Variants in SCRG1 observed in about 807,000 individuals in gnomAD.
The protein encoded by SCRG1 is scrapie-responsive protein 1.
In SCRG1, 3 loss-of-function variants were observed where a neutral mutation model predicts 7.7. The ratio of observed to expected loss-of-function variants is 0.39; its 90% CI spans 0.18 to 1.01. The LOEUF is 1.01. Ranked by LOEUF, SCRG1 falls within the 50% of genes least tolerant of loss-of-function variation. The pLI, the probability that SCRG1 is intolerant of heterozygous loss-of-function variation, is 0.36. For missense variants in SCRG1, 110 were observed against 117.2 expected (o/e 0.94, Z 0.28); for synonymous variants, 46 against 41.2 (o/e 1.12, Z -0.44).
the SCRG1 span, among the ~76,000 whole-genome samples, chr4:173,493,328 A>G: frequency 8.5e-5 from 13 of 152,100 alleles, no homozygotes; most frequent in African/African-American, 2.4e-4. Context: ...CTACCATGGT[A>G]AGACGTGCTT....
the SCRG1 span, among the ~76,000 whole-genome samples, chr4:173,434,434 G>A: frequency 7.9e-5 from 12 of 152,174 alleles, no homozygotes; most frequent in African/African-American, 2.7e-4. Context: ...GAAAGGGGAA[G>A]GAGATCGTGT....
chr4:173,467,050 A>G, the SCRG1 span, among the ~76,000 whole-genome samples: 1 of 152,170 alleles, frequency 6.6e-6, no homozygotes, highest in African/African-American at 2.4e-5. Context: ...GACAAGGGAC[A>G]TATATATCTC....
chr4:173,465,081 G>A, the SCRG1 span, among the ~76,000 whole-genome samples: 1 of 152,168 alleles, frequency 6.6e-6, no homozygotes, highest in Non-Finnish European at 1.5e-5. Flanking sequence ...GTTACCAGCT[G>A]CTGATAGAAG....
chr4:173,436,745 C>T, the SCRG1 span, among the ~76,000 whole-genome samples: 1 of 152,134 alleles, frequency 6.6e-6, no homozygotes, highest in East Asian at 1.9e-4. Flanking sequence ...GGTACGTTTA[C>T]CTGTTTTTCA....
the SCRG1 span, among the ~76,000 whole-genome samples, chr4:173,415,423 T>G: frequency 6.6e-6 from 1 of 152,184 alleles, no homozygotes; most frequent in African/African-American, 2.4e-5. Flanking sequence ...CTTAGTAGAT[T>G]TAATTTTTGA....
At chr4:173,396,609 C>T (rs938613359) in intron 1 of SCRG1, among the ~76,000 whole-genome samples, 2 of 151,962 alleles carry the variant, frequency 1.3e-5, no homozygotes, top group African/African-American at 4.8e-5. Context: ...TACCACATAC[C>T]TCTTCTGTGT....
chr4:173,469,603 A>G, the SCRG1 span: 4 of 152,204 alleles, frequency 2.6e-5, no homozygotes, highest in East Asian at 3.8e-4. Context: ...ATATTTTTCA[A>G]TGTGAGCTGC....
intron 1 of SCRG1, among the ~76,000 whole-genome samples, chr4:173,394,808 TA>T (rs1739553288): frequency 6.6e-6 from 1 of 152,222 alleles, no homozygotes; most frequent in South Asian, 2.1e-4. Context: ...TTTTAAATTA[TA>T]GTTATTTTAA....
chr4:173,511,674 C>A, the SCRG1 span, among the ~76,000 whole-genome samples: 1 of 152,082 alleles, frequency 6.6e-6, no homozygotes, highest in Non-Finnish European at 1.5e-5. The surrounding 1 kb of genome is among the most constrained non-coding windows in gnomAD (Gnocchi z 5.2). Context: ...AGCAGATGAA[C>A]CCTAAAGGCC....
the SCRG1 span, chr4:173,419,746 G>C: frequency 1.6e-6 from 2 of 1,282,702 alleles, no homozygotes; most frequent in South Asian, 2.4e-5. Context: ...CCAAATAGCA[G>C]GTAAAGGCAC....
chr4:173,465,930 G>A, the SCRG1 span, among the ~76,000 whole-genome samples: 20 of 152,086 alleles, frequency 1.3e-4, no homozygotes, highest in African/African-American at 2.4e-4. Context: ...CAAGTGGTTC[G>A]TCTTCCCAGG....
At chr4:173,476,786 A>G in the SCRG1 span, among the ~76,000 whole-genome samples, 12 of 152,042 alleles carry the variant, frequency 7.9e-5, no homozygotes, top group Non-Finnish European at 1.5e-4. Flanking sequence ...GCACCACAGC[A>G]CTCCAGCCTG....
At chr4:173,443,151 T>C in the SCRG1 span, among the ~76,000 whole-genome samples, 2 of 152,208 alleles carry the variant, frequency 1.3e-5, no homozygotes, top group South Asian at 4.1e-4. Flanking sequence ...GTGAGGCTTC[T>C]AGTTTTACCT....
the SCRG1 span, among the ~76,000 whole-genome samples, chr4:173,466,677 C>A: frequency 2.0e-5 from 3 of 152,138 alleles, no homozygotes; most frequent in Non-Finnish European, 4.4e-5. Flanking sequence ...TCTGATACTG[C>A]ATCTGAAGTA....
chr4:173,395,738 G>A (rs558056868), intron 1 of SCRG1, among the ~76,000 whole-genome samples: 1 of 152,288 alleles, frequency 6.6e-6, no homozygotes, highest in South Asian at 2.1e-4. Flanking sequence ...GTCATTGTCA[G>A]CATTTTTATA....
the SCRG1 span, among the ~76,000 whole-genome samples, chr4:173,510,606 A>T: frequency 6.6e-6 from 1 of 152,082 alleles, no homozygotes. This position sits in a 1 kb window ranked among gnomAD's most constrained non-coding sequence, Gnocchi z 5.7. Flanking sequence ...CTTCTACTGC[A>T]GTCTTCTCTC....
the SCRG1 span, among the ~76,000 whole-genome samples, chr4:173,461,041 C>T: frequency 1.3e-5 from 2 of 152,316 alleles, no homozygotes; most frequent in African/African-American, 4.8e-5. Flanking sequence ...TGAGTGCCAG[C>T]TCAGCCACAA....
chr4:173,461,076 C>A, the SCRG1 span, among the ~76,000 whole-genome samples: 17 of 152,328 alleles, frequency 1.1e-4, no homozygotes, highest in East Asian at 2.3e-3. Context: ...AGGTAGACTT[C>A]TAAGGTTTTT....
chr4:173,501,380 G>C, the SCRG1 span, among the ~76,000 whole-genome samples: 1 of 152,198 alleles, frequency 6.6e-6, no homozygotes, highest in African/African-American at 2.4e-5. The surrounding 1 kb of genome is among the most constrained non-coding windows in gnomAD (Gnocchi z 5.1). Flanking sequence ...CCCCAAAGAT[G>C]GGGGATTCTT....
Sources: gnomAD v4.1 joint callset for allele counts (sites outside exome capture counted in the v4.1 genomes callset) on GRCh38, gnomAD v4.1.1 for gene constraint, Gnocchi (gnomAD v3.1) non-coding constraint, MANE v1.5 for transcripts, NCBI Gene and HGNC (gene_info 2026-07-23, HGNC 2026-07-21) for gene names.